Variants in FSTL4 observed in about 807,000 individuals in gnomAD.
FSTL4 encodes follistatin-related protein 4.
In FSTL4, 28 loss-of-function variants were observed where a neutral mutation model predicts 78.2. That is an observed-to-expected ratio of 0.36 (90% confidence interval 0.27 to 0.49). The LOEUF (loss-of-function observed/expected upper bound fraction) is 0.49, where lower values mean the gene tolerates loss of function less well. Ranked by LOEUF, FSTL4 falls within the 20% of genes least tolerant of loss-of-function variation. FSTL4 has a pLI of 0.98. For missense variants in FSTL4, 922 were observed against 1,084.9 expected (o/e 0.85, Z 2.11); for synonymous variants, 422 against 440.5 (o/e 0.96, Z 0.53).
At chr5:133,745,704 A>G in the FSTL4 span, among the ~76,000 whole-genome samples, 2 of 152,354 alleles carry the variant, frequency 1.3e-5, no homozygotes, top group African/African-American at 4.8e-5. Context: ...AGATTCATCC[A>G]CAAACCAACT....
intron 3 of FSTL4, among the ~76,000 whole-genome samples, chr5:133,420,718 C>T (rs1182697085): frequency 1.3e-5 from 2 of 152,356 alleles, no homozygotes; most frequent in African/African-American, 4.8e-5. Flanking sequence ...GAGGGTCACA[C>T]ACCCATGCTG....
At position 133,217,248 on chromosome 5, in the gene FSTL4, TG is replaced by T; in HGVS notation, c.1588del (p.Gln530LysfsTer9). On this transcript the variant is annotated frameshift_variant, in exon 13 of 16. Coordinates refer to ENST00000265342, the MANE Select transcript of FSTL4 (RefSeq NM_015082.2). LOFTEE classifies it high-confidence loss of function. ...ALSRVLVVDIQAQKVLQSIGV... is the reference protein window; with the variant it reads ...ALSRVLVVDIXAQKVLQSIGV... ...GTGTACCTGTAGGACTTTCTGGGCTTGGATGTCGACCACAAGGACTCTGCTC... is the reference window on the plus strand; with the variant it reads ...GTGTACCTGTAGGACTTTCTGGGCTTGATGTCGACCACAAGGACTCTGCTC... 1 of 1,614,082 alleles carries T rather than the reference TG, an allele frequency of 6.2e-7. No homozygotes were observed. Among genetic ancestry groups the T allele is most frequent in the Non-Finnish European group, 8.5e-7 (1 of 1,179,928 alleles).
At chr5:133,257,849 G>A (rs1359218621) in intron 6 of FSTL4, among the ~76,000 whole-genome samples, 4 of 152,196 alleles carry the variant, frequency 2.6e-5, no homozygotes, top group Non-Finnish European at 5.9e-5. Flanking sequence ...AAGATGATGG[G>A]CATACCTCTG....
At chr5:133,700,755 A>T in the FSTL4 span, among the ~76,000 whole-genome samples, 37 of 152,320 alleles carry the variant, frequency 2.4e-4, no homozygotes, top group African/African-American at 8.7e-4. Flanking sequence ...TCATCCACTC[A>T]GGGGGTAACA....
At chr5:133,397,911 T>C (rs1756111856) in intron 4 of FSTL4, among the ~76,000 whole-genome samples, 2 of 152,360 alleles carry the variant, frequency 1.3e-5, no homozygotes, top group South Asian at 4.1e-4. Flanking sequence ...TTGTTTCCTG[T>C]ATTAATAACT....
At chr5:133,693,215 C>G in the FSTL4 span, among the ~76,000 whole-genome samples, 5 of 152,182 alleles carry the variant, frequency 3.3e-5, no homozygotes, top group African/African-American at 1.2e-4. Context: ...AGAATCCAAA[C>G]TTTACACTGA....
the FSTL4 span, among the ~76,000 whole-genome samples, chr5:133,635,440 C>T: frequency 0.44 from 67,187 of 152,072 alleles, 15,076 homozygotes; most frequent in East Asian, 0.5. Context: ...TGGGAAAGTA[C>T]GTGGACCAGA....
intron 7 of FSTL4, among the ~76,000 whole-genome samples, chr5:133,243,139 C>T (rs1751927380): frequency 1.3e-5 from 2 of 152,178 alleles, no homozygotes; most frequent in South Asian, 4.1e-4. Flanking sequence ...CCTTCAAACA[C>T]TGCCACAAAT....
At chr5:133,210,698 T>A (rs1283370939) in intron 13 of FSTL4, among the ~76,000 whole-genome samples, 1 of 151,872 alleles carries the variant, frequency 6.6e-6, no homozygotes, top group African/African-American at 2.4e-5. Flanking sequence ...TCCATGTCGG[T>A]CAGGCTGGTC....
At chr5:133,829,010 G>A in the FSTL4 span, among the ~76,000 whole-genome samples, 4 of 152,090 alleles carry the variant, frequency 2.6e-5, no homozygotes, top group African/African-American at 7.2e-5. Context: ...AGAGCCTCCC[G>A]GGGCCACGTG....
At chr5:133,536,937 C>G (rs1422860789) in intron 3 of FSTL4, among the ~76,000 whole-genome samples, 1 of 152,130 alleles carries the variant, frequency 6.6e-6, no homozygotes, top group African/African-American at 2.4e-5. Flanking sequence ...CTTTCTTGTT[C>G]ATGTCTCCCA....
chr5:133,638,922 G>GT, the FSTL4 span, among the ~76,000 whole-genome samples: 110,326 of 151,540 alleles, frequency 0.73, 40,408 homozygotes, highest in African/African-American at 0.81. Context: ...TGTATTTTAG[G>GT]TTTTTTTTAA....
chr5:133,460,620 C>T (rs1159649369), intron 3 of FSTL4, among the ~76,000 whole-genome samples: 1 of 152,156 alleles, frequency 6.6e-6, no homozygotes, highest in African/African-American at 2.4e-5. Flanking sequence ...AGTCGACTTT[C>T]CAGTGGGGCC....
Position 133,210,204 on chromosome 5 carries a change from C to T in FSTL4, c.1703G>A (p.Arg568Gln), listed in dbSNP as rs778929444. The part of the protein sequence containing the change: ...VLSWGDVHKS[R>Q]PSLQVITEAS... ...TGCTCAACATACCTGGAGACTTGGT[C>T]GGGACTTGTGCACGTCCCCCCAGCT... The change falls in exon 14 of 16, where the codon CGA becomes CAA. Residue 568 changes from arginine to glutamine, a missense_variant. Physicochemically the swap from Arg to Gln is conservative, Grantham distance 43 (BLOSUM62 1). Coordinates refer to ENST00000265342, the MANE Select transcript of FSTL4 (RefSeq NM_015082.2). The T allele has an allele frequency of 3.6e-5, 58 of 1,590,738 alleles. No homozygotes were observed. Among genetic ancestry groups the T allele is most frequent in the South Asian group, 2.9e-4 (26 of 90,582 alleles).
chr5:133,513,592 C>T (rs1758784998), intron 3 of FSTL4, among the ~76,000 whole-genome samples: 1 of 152,182 alleles, frequency 6.6e-6, no homozygotes, highest in Non-Finnish European at 1.5e-5. Context: ...GAATTGGATG[C>T]TATTAAACCT....
At chr5:133,220,956 C>T in intron 11 of FSTL4, 90 bp from the exon 12 acceptor site, 1 of 804,174 alleles carries the variant, frequency 1.2e-6, no homozygotes, top group East Asian at 2.4e-5. Context: ...AGAAACCGGC[C>T]ACGTGGATGC....
the FSTL4 span, among the ~76,000 whole-genome samples, chr5:133,692,843 T>C: frequency 6.6e-6 from 1 of 152,180 alleles, no homozygotes; most frequent in African/African-American, 2.4e-5. Context: ...CAAATATCAC[T>C]TCCTCAGGGG....
the FSTL4 span, among the ~76,000 whole-genome samples, chr5:133,807,091 T>C: frequency 6.6e-6 from 1 of 152,198 alleles, no homozygotes; most frequent in Non-Finnish European, 1.5e-5. Flanking sequence ...CTTACAACAA[T>C]AGCACAATTC....
chr5:133,561,690 A>G (rs997930329), intron 3 of FSTL4, among the ~76,000 whole-genome samples: 4 of 152,176 alleles, frequency 2.6e-5, no homozygotes, highest in African/African-American at 9.7e-5. Flanking sequence ...TTCAGCCAGC[A>G]CAAGTTGGGT....
Sources: gnomAD v4.1 joint callset for allele counts (sites outside exome capture counted in the v4.1 genomes callset) on GRCh38, gnomAD v4.1.1 for gene constraint, MANE v1.5 for transcripts, NCBI Gene and HGNC (gene_info 2026-07-23, HGNC 2026-07-21) for gene names.